SLC9A9: variants seen among roughly 807,000 people sequenced by gnomAD.
The protein encoded by SLC9A9 is solute carrier family 9 member A9, also known as sodium/hydrogen exchanger 9.
Under a neutral mutation model 77.8 loss-of-function variants are expected in SLC9A9, and 62 were observed. The ratio of observed to expected loss-of-function variants is 0.80; its 90% CI spans 0.65 to 0.98. SLC9A9 has a LOEUF of 0.98. Ranked by LOEUF, SLC9A9 falls within the 50% of genes least tolerant of loss-of-function variation. SLC9A9 has a pLI of 0.00. For synonymous variants in SLC9A9, 320 were observed against 283.5 expected (o/e 1.13, Z -1.29); for missense variants, 775 against 774.9 (o/e 1.00, Z 0.00).
intron 6 of SLC9A9, among the ~76,000 whole-genome samples, chr3:143,643,615 T>A (rs2038656715): frequency 6.6e-6 from 1 of 152,202 alleles, no homozygotes; most frequent in African/African-American, 2.4e-5. Context: ...AATTTCCTTT[T>A]CTCTCCTTCA....
chr3:143,305,549 C>G (rs1272300703), intron 14 of SLC9A9, among the ~76,000 whole-genome samples: 2 of 152,204 alleles, frequency 1.3e-5, no homozygotes, highest in African/African-American at 4.8e-5. Flanking sequence ...TTCACAACCA[C>G]TGGGGTTTCA....
rs560990000 is a variant in SLC9A9 at position 143,342,183 on chromosome 3, G to T, written c.1604+21301C>A. On this transcript the variant is annotated intron_variant, in intron 14 of 15. Coordinates refer to ENST00000316549, the MANE Select transcript of SLC9A9 (RefSeq NM_173653.4). ...GGATCTCTCAATGAAACAAACATTAGAGCTTCTTATTTTTTTTTGAGACAG... is the reference window on the plus strand; with the variant it reads ...GGATCTCTCAATGAAACAAACATTATAGCTTCTTATTTTTTTTTGAGACAG... 3.9e-5 allele frequency: 6 copies of T among 152,292 alleles called. No homozygotes were observed. The South Asian group carries it at 1.2e-3, about 32-fold the overall frequency. 9.4% of individuals were successfully genotyped at this position (152,292 alleles called of 1,614,324 possible). A position where few individuals can be genotyped will look rare whatever the true frequency, so the allele number is the denominator to read the frequency against.
chr3:143,549,806 G>A (rs955354017), intron 9 of SLC9A9, among the ~76,000 whole-genome samples: 1 of 151,926 alleles, frequency 6.6e-6, no homozygotes, highest in African/African-American at 2.4e-5. Flanking sequence ...CCTAAACAGG[G>A]TTCAGCTTCC....
chr3:143,687,418 T>C (rs888409108), intron 5 of SLC9A9, among the ~76,000 whole-genome samples: 1 of 152,118 alleles, frequency 6.6e-6, no homozygotes, highest in African/African-American at 2.4e-5. Flanking sequence ...AGATCTTAAA[T>C]TGCACCAATT....
chr3:143,583,180 A>G (rs2108668877), intron 6 of SLC9A9, among the ~76,000 whole-genome samples: 1 of 152,034 alleles, frequency 6.6e-6, no homozygotes, highest in East Asian at 1.9e-4. Flanking sequence ...ATATATATAA[A>G]TTAAAATTTA....
chr3:143,706,283 G>T (rs1448967477), intron 4 of SLC9A9, among the ~76,000 whole-genome samples: 1 of 152,172 alleles, frequency 6.6e-6, no homozygotes, highest in East Asian at 1.9e-4. Flanking sequence ...ATCGGGGAGC[G>T]GGGGAATGCC....
intron 2 of SLC9A9, among the ~76,000 whole-genome samples, chr3:143,808,209 C>CCA (rs1308236823): frequency 6.6e-6 from 1 of 152,188 alleles, no homozygotes; most frequent in African/African-American, 2.4e-5. Flanking sequence ...AGCACATATT[C>CCA]CACATGTCTA....
At chr3:143,330,671 A>G (rs1421682763) in intron 14 of SLC9A9, among the ~76,000 whole-genome samples, 3 of 152,228 alleles carry the variant, frequency 2.0e-5, no homozygotes, top group African/African-American at 7.2e-5. Context: ...TCTTGTTTCC[A>G]CAATGCTTAA....
At chr3:143,313,773 G>T (rs2031106766) in intron 14 of SLC9A9, among the ~76,000 whole-genome samples, 1 of 152,182 alleles carries the variant, frequency 6.6e-6, no homozygotes, top group South Asian at 2.1e-4. Context: ...CTTCCTCTCT[G>T]CCTAGATGCT....
At chr3:143,726,427 T>C (rs1232557482) in intron 4 of SLC9A9, among the ~76,000 whole-genome samples, 1 of 152,134 alleles carries the variant, frequency 6.6e-6, no homozygotes, top group Non-Finnish European at 1.5e-5. Flanking sequence ...AACTGTACAC[T>C]TAAAATGGGT....
At chr3:143,825,414 G>GGA (rs1553726464) in intron 2 of SLC9A9, among the ~76,000 whole-genome samples, 1 of 148,988 alleles carries the variant, frequency 6.7e-6, no homozygotes, top group South Asian at 2.1e-4. Flanking sequence ...TGGATGGTGA[G>GGA]AAAAAAAAAA....
chr3:143,284,193 G>C (rs982553561), intron 14 of SLC9A9, among the ~76,000 whole-genome samples: 1 of 152,040 alleles, frequency 6.6e-6, no homozygotes, highest in East Asian at 1.9e-4. Flanking sequence ...ATTTACTTAC[G>C]ATTATTTACC....
chr3:143,523,638 C>T (rs560559953), intron 9 of SLC9A9, among the ~76,000 whole-genome samples: 1 of 152,104 alleles, frequency 6.6e-6, no homozygotes, highest in Admixed American at 6.6e-5. Context: ...GAATTTAATA[C>T]CTACTGTGCA....
Position 143,266,205 on chromosome 3 carries a change from C to T in SLC9A9, c.*497G>A, listed in dbSNP as rs892674678. 6.7e-4 allele frequency: 443 copies of T among 661,242 alleles called. No individual in the cohort carries two copies. Among genetic ancestry groups the T allele is most frequent in the Non-Finnish European group, 1.0e-3 (379 of 366,350 alleles). 41.0% of individuals were successfully genotyped at this position (661,242 alleles called of 1,614,324 possible). A position where few individuals can be genotyped will look rare whatever the true frequency, so the allele number is the denominator to read the frequency against. On this transcript the variant is annotated 3_prime_UTR_variant, in exon 16 of 16. Transcript: ENST00000316549. ...GGCTCTGCCCTGGGGTCACTGAGAGCAAATGGGAGTCAAGTCCTCAAAATA... is the reference window on the plus strand; with the variant it reads ...GGCTCTGCCCTGGGGTCACTGAGAGTAAATGGGAGTCAAGTCCTCAAAATA...
At chr3:143,647,870 A>G (rs928072552) in intron 6 of SLC9A9, among the ~76,000 whole-genome samples, 2 of 152,222 alleles carry the variant, frequency 1.3e-5, no homozygotes, top group Non-Finnish European at 2.9e-5. Context: ...TTTAGACAGT[A>G]TGTCTTAACT....
At chr3:143,537,722 T>G (rs999943139) in intron 9 of SLC9A9, among the ~76,000 whole-genome samples, 2 of 152,190 alleles carry the variant, frequency 1.3e-5, no homozygotes, top group Non-Finnish European at 2.9e-5. Flanking sequence ...CAGGGTCACT[T>G]GTGTTCCCAG....
At chr3:143,618,864 C>T (rs1228551031) in intron 6 of SLC9A9, among the ~76,000 whole-genome samples, 1 of 152,094 alleles carries the variant, frequency 6.6e-6, no homozygotes. Context: ...ATCTACTTGG[C>T]CTAGTGAAAG....
chr3:143,638,131 T>C (rs966795397), intron 6 of SLC9A9, among the ~76,000 whole-genome samples: 1 of 152,016 alleles, frequency 6.6e-6, no homozygotes, highest in East Asian at 1.9e-4. Context: ...AAAAGCAAAG[T>C]AGGCGGGTGA....
intron 14 of SLC9A9, among the ~76,000 whole-genome samples, chr3:143,337,125 A>T (rs729509): frequency 0.52 from 78,871 of 151,776 alleles, 21,690 homozygotes; most frequent in African/African-American, 0.69. Context: ...AGAATATTAT[A>T]ATTTTATTAA....
Sources: gnomAD v4.1 joint callset for allele counts (sites outside exome capture counted in the v4.1 genomes callset) on GRCh38, gnomAD v4.1.1 for gene constraint, MANE v1.5 for transcripts, NCBI Gene and HGNC (gene_info 2026-07-23, HGNC 2026-07-21) for gene names.